GALNT13: variants seen among roughly 807,000 people sequenced by gnomAD.
The protein encoded by GALNT13 is UDP-GalNAc:polypeptide N-acetylgalactosaminyltransferase 13.
GALNT13 carries 28 observed loss-of-function variants against 64.2 expected under a neutral mutation model. That is an observed-to-expected ratio of 0.44 (90% confidence interval 0.32 to 0.60). The LOEUF (loss-of-function observed/expected upper bound fraction) is 0.60. GALNT13 is among the 20% of genes least tolerant of loss of function. GALNT13 has a pLI of 0.05. For missense variants in GALNT13, 577 were observed against 669.8 expected (o/e 0.86, Z 1.53); for synonymous variants, 214 against 224.6 (o/e 0.95, Z 0.42).
the GALNT13 span, among the ~76,000 whole-genome samples, chr2:153,389,028 G>A: frequency 7.9e-5 from 12 of 152,176 alleles, no homozygotes; most frequent in South Asian, 8.3e-4. Flanking sequence ...TAGATCTGCC[G>A]CAGAATTCTG....
chr2:154,066,303 G>T (rs1700459548), intron 3 of GALNT13, among the ~76,000 whole-genome samples: 1 of 152,050 alleles, frequency 6.6e-6, no homozygotes, highest in Non-Finnish European at 1.5e-5. Flanking sequence ...GATAGAAGTA[G>T]AAAGAGTTTT....
chr2:154,339,004 A>T (rs761233074), intron 9 of GALNT13, among the ~76,000 whole-genome samples: 2 of 152,166 alleles, frequency 1.3e-5, no homozygotes, highest in Non-Finnish European at 2.9e-5. Context: ...TGCATAATGC[A>T]CTTTGGAGAA....
chr2:153,944,612 GA>G lies in GALNT13; in HGVS notation c.116del (p.Glu39GlyfsTer8). 2.5e-6 allele frequency: 4 copies of G among 1,613,386 alleles called. No homozygotes were observed. The highest frequency in any genetic ancestry group is 3.4e-6 in the Non-Finnish European group (4 of 1,179,530). On this transcript the variant is annotated frameshift_variant, in exon 3 of 13. Transcript: ENST00000392825. LOFTEE classifies it high-confidence loss of function. ...SECNKCDDKKERSLLPALRAV... is the reference protein window; with the variant it reads ...SECNKCDDKKXRSLLPALRAV... ...ATGTAACAAATGTGATGACAAGAAG[GA>G]GAGATCTCTGCTGCCTGCATTGAGG...
chr2:153,123,048 A>G, the GALNT13 span, among the ~76,000 whole-genome samples: 1 of 152,166 alleles, frequency 6.6e-6, no homozygotes, highest in Non-Finnish European at 1.5e-5. Context: ...TCCCATGTGA[A>G]GATACAGAAG....
chr2:153,118,386 A>G, the GALNT13 span, among the ~76,000 whole-genome samples: 1 of 151,968 alleles, frequency 6.6e-6, no homozygotes, highest in African/African-American at 2.4e-5. Flanking sequence ...CACAGTACCT[A>G]CTTTCCCTCT....
the GALNT13 span, among the ~76,000 whole-genome samples, chr2:153,206,794 T>C: frequency 6.6e-6 from 1 of 152,098 alleles, no homozygotes; most frequent in Non-Finnish European, 1.5e-5. Context: ...TTTATGTGAA[T>C]TTCTGTACCT....
the GALNT13 span, among the ~76,000 whole-genome samples, chr2:153,556,156 TC>T: frequency 5.3e-5 from 8 of 152,290 alleles, 1 homozygote; most frequent in Admixed American, 3.9e-4. Context: ...CATAATGACT[TC>T]CACTTTTTCA....
chr2:153,099,743 TC>T, the GALNT13 span, among the ~76,000 whole-genome samples: 1 of 152,226 alleles, frequency 6.6e-6, no homozygotes, highest in African/African-American at 2.4e-5. Flanking sequence ...TCTCTTATTT[TC>T]CTTTTATCAC....
chr2:154,020,584 T>C (rs1401796725), intron 3 of GALNT13, among the ~76,000 whole-genome samples: 1 of 152,180 alleles, frequency 6.6e-6, no homozygotes, highest in Non-Finnish European at 1.5e-5. Flanking sequence ...GAGTTCATTG[T>C]AGATTCTGGA....
the GALNT13 span, among the ~76,000 whole-genome samples, chr2:153,834,729 T>C: frequency 9.2e-5 from 14 of 152,166 alleles, 1 homozygote; most frequent in African/African-American, 3.4e-4. Context: ...TGATTTTCTT[T>C]TTGGGGAACA....
the GALNT13 span, among the ~76,000 whole-genome samples, chr2:153,634,828 C>A: frequency 6.6e-6 from 1 of 151,908 alleles, no homozygotes; most frequent in Non-Finnish European, 1.5e-5. Context: ...GAACTACAGG[C>A]GTGAGCCACC....
At chr2:153,135,592 T>A in the GALNT13 span, among the ~76,000 whole-genome samples, 1 of 152,140 alleles carries the variant, frequency 6.6e-6, no homozygotes, top group Non-Finnish European at 1.5e-5. Flanking sequence ...TGTTGAGAAA[T>A]GGCATTTGTG....
At chr2:154,265,788 C>T (rs1690962676) in intron 8 of GALNT13, among the ~76,000 whole-genome samples, 1 of 152,260 alleles carries the variant, frequency 6.6e-6, no homozygotes, top group South Asian at 2.1e-4. Flanking sequence ...TACACAGATA[C>T]CAAAACTTGA....
intron 4 of GALNT13, among the ~76,000 whole-genome samples, chr2:154,240,806 G>GCCA (rs1689442104): frequency 6.6e-6 from 1 of 152,214 alleles, no homozygotes; most frequent in Non-Finnish European, 1.5e-5. Flanking sequence ...TGTACCGGAA[G>GCCA]AGTCACATCA....
the GALNT13 span, among the ~76,000 whole-genome samples, chr2:153,615,499 A>G: frequency 1.3e-5 from 2 of 152,200 alleles, no homozygotes; most frequent in East Asian, 3.9e-4. Context: ...CCAACCATGT[A>G]CAAGGGTTGT....
chr2:153,985,241 G>A (rs373696107), intron 3 of GALNT13, among the ~76,000 whole-genome samples: 1 of 151,904 alleles, frequency 6.6e-6, no homozygotes, highest in East Asian at 1.9e-4. Flanking sequence ...AGCGCATCAC[G>A]TTCCTAAGAA....
the GALNT13 span, among the ~76,000 whole-genome samples, chr2:153,465,089 C>A: frequency 6.6e-6 from 1 of 152,116 alleles, no homozygotes; most frequent in Non-Finnish European, 1.5e-5. Context: ...TGAACAGGAT[C>A]AATCAGCATT....
chr2:153,291,640 C>T, the GALNT13 span, among the ~76,000 whole-genome samples: 1 of 152,006 alleles, frequency 6.6e-6, no homozygotes, highest in Non-Finnish European at 1.5e-5. Context: ...CATCACCCCT[C>T]CTCCTGCTCT....
the GALNT13 span, among the ~76,000 whole-genome samples, chr2:153,810,284 T>C: frequency 1.3e-5 from 2 of 152,176 alleles, no homozygotes; most frequent in Non-Finnish European, 2.9e-5. Context: ...GCTAATTCTT[T>C]TGACTTGAAA....
Sources: allele counts gnomAD v4.1 joint callset (sites outside exome capture counted in the v4.1 genomes callset), GRCh38; gene constraint gnomAD v4.1.1; transcripts MANE v1.5; gene names NCBI Gene and HGNC (gene_info 2026-07-23, HGNC 2026-07-21).